SLC19A1: variants seen among roughly 807,000 people sequenced by gnomAD.
SLC19A1 encodes the protein solute carrier family 19 member 1.
Under a neutral mutation model 35.3 loss-of-function variants are expected in SLC19A1, and 37 were observed. The ratio of observed to expected loss-of-function variants is 1.05; its 90% CI spans 0.81 to 1.38. The LOEUF (loss-of-function observed/expected upper bound fraction) is 1.38. Among genes scored for constraint, SLC19A1 ranks in the 40% most tolerant of loss-of-function variants. The probability of loss-of-function intolerance (pLI) is 0.00; values close to 1 mark genes in which losing one functional copy is unlikely to be tolerated. For synonymous variants in SLC19A1, 460 were observed against 398.5 expected, an observed-to-expected ratio of 1.15 and a Z score of -1.84; for missense variants, 831 against 826.9, an observed-to-expected ratio of 1.00 and a Z score of -0.06.
intron 3 of SLC19A1, chr21:45,506,293 G>A (rs1047346032): frequency 5.3e-6 from 2 of 378,292 alleles, no homozygotes; most frequent in Admixed American, 3.7e-5. Context: ...GACGGGACGA[G>A]GCGGCAGGGG....
chr21:45,512,942 G>A lies in SLC19A1; in HGVS notation c.*2716C>T, dbSNP rs993146198. ...AGGCTCAGGTCCCTGGGGCTAGGGG[G>A]AGCCCCTTCTGCTCAGCTCTGGGCC... On this transcript the variant is annotated 3_prime_UTR_variant, in exon 6 of 6. Coordinates refer to ENST00000311124, the MANE Select transcript of SLC19A1 (RefSeq NM_194255.4). 5.0e-4 allele frequency: 94 copies of A among 186,640 alleles called. No homozygotes were observed. The highest frequency in any genetic ancestry group is 2.1e-3 in the Admixed American group (39 of 18,742). The allele number at this position is 186,640 out of a possible 1,614,324, so 11.6% of individuals were successfully genotyped here. A position where few individuals can be genotyped will look rare whatever the true frequency, so the allele number is the denominator to read the frequency against.
Position 45,513,848 on chromosome 21 carries a change from A to C in SLC19A1, c.*1810T>G, listed in dbSNP as rs1369463722. The C allele has an allele frequency of 6.6e-6, 1 of 152,232 alleles. No homozygotes were observed. The highest frequency in any genetic ancestry group is 2.4e-5 in the African/African-American group (1 of 41,448). The allele number at this position is 152,232 out of a possible 1,614,324, so 9.4% of individuals were successfully genotyped here. A position where few individuals can be genotyped will look rare whatever the true frequency, so the allele number is the denominator to read the frequency against. ...CGAGTGTGCACAGGCACGCACGGTT[A>C]CATGGGGTATGCATGCATGGCCATA... On this transcript the variant is annotated 3_prime_UTR_variant, in exon 6 of 6. Transcript: ENST00000311124.
chr21:45,562,094 G>T (rs1421099982), intron 1 of SLC19A1, among the ~76,000 whole-genome samples: 1 of 138,088 alleles, frequency 7.2e-6, no homozygotes, highest in East Asian at 2.2e-4. Context: ...TCGCGCCATT[G>T]CACTCCAGTC....
At chr21:45,553,633 GC>G (rs1335045997) in intron 1 of SLC19A1, among the ~76,000 whole-genome samples, 216 of 11,038 alleles carry the variant, frequency 0.02, 13 homozygotes, top group Middle Eastern at 0.05. Flanking sequence ...ATCCCCCCGC[GC>G]CCCCCTCCTA....
chr21:45,526,366 TTA>T (rs1198919778), intron 4 of SLC19A1, among the ~76,000 whole-genome samples: 2 of 152,164 alleles, frequency 1.3e-5, no homozygotes, highest in African/African-American at 2.4e-5. Flanking sequence ...GAAGGTGATT[TTA>T]TATAATACCT....
rs750480344 is a variant in SLC19A1, at chr21:45,525,971, AGCG to A, written c.1152-16_1152-14del. 10 of 1,612,086 alleles carry A rather than the reference AGCG, an allele frequency of 6.2e-6. No homozygotes were observed. In the Admixed American group the frequency reaches 1.0e-4, roughly 16 times the overall value. On this transcript the variant is annotated splice_polypyrimidine_tract_variant and intron_variant, in intron 4 of 5. Transcript: ENST00000311124. ...TGCAATCTGAAAGCTGAACGGGAAG[AGCG>A]GGCAGATCAGGCGCTGCTGGGAGAA...
intron 1 of SLC19A1, among the ~76,000 whole-genome samples, chr21:45,556,700 C>T (rs2078565730): frequency 6.6e-6 from 1 of 152,210 alleles, no homozygotes; most frequent in South Asian, 2.1e-4. Flanking sequence ...ACAGACAGGA[C>T]AGAACAGGAC....
rs2077826613 is a variant in SLC19A1, at chr21:45,530,352, G to A, written c.1151+418C>T. Among the ~76,000 whole-genome samples the A allele has an allele frequency of 6.6e-6, 1 of 150,648 alleles. No individual in the cohort carries two copies. Among genetic ancestry groups the A allele is most frequent in the Admixed American group, 6.6e-5 (1 of 15,160 alleles). ...GAGTGTCCATCTGTGCGCATGTGGT[G>A]TGTTCATGAGTGTGTGTGTGTCCAT... On this transcript the variant is annotated intron_variant, in intron 4 of 5. Coordinates refer to ENST00000311124, the MANE Select transcript of SLC19A1 (RefSeq NM_194255.4). The surrounding 1 kb of genome is among the most constrained non-coding windows in gnomAD (Gnocchi z 5.3).
chr21:45,538,062 T>C lies in SLC19A1; in HGVS notation c.-49-54A>G, dbSNP rs910373864. ...TTGGAAGATGGTCTGCAGGCCTCCCTACCCCGCAAAACGAGGCCCAGTGCC... is the reference window on the plus strand; with the variant it reads ...TTGGAAGATGGTCTGCAGGCCTCCCCACCCCGCAAAACGAGGCCCAGTGCC... On this transcript the variant is annotated intron_variant, in intron 1 of 5. Transcript: ENST00000311124. 3.7e-6 allele frequency: 4 copies of C among 1,082,260 alleles called. No individual in the cohort carries two copies. The African/African-American group carries it at 5.0e-5, about 14-fold the overall frequency. 67.0% of individuals were successfully genotyped at this position (1,082,260 alleles called of 1,614,324 possible). A position where few individuals can be genotyped will look rare whatever the true frequency, so the allele number is the denominator to read the frequency against.
chr21:45,504,631 G>A (rs1372739051), intron 3 of SLC19A1: 61 of 1,352,196 alleles, frequency 4.5e-5, no homozygotes, highest in South Asian at 1.8e-4. Flanking sequence ...GGTCCAGCCC[G>A]GCCTTCGACA....
downstream of SLC19A1, chr21:45,509,515 G>A: frequency 1.3e-6 from 2 of 1,533,864 alleles, no homozygotes; most frequent in Non-Finnish European, 1.8e-6. Context: ...CTACCCCGGA[G>A]CCCCGCACCA....
intron 3 of SLC19A1, chr21:45,505,132 A>G: frequency 6.2e-7 from 1 of 1,608,800 alleles, no homozygotes; most frequent in South Asian, 1.1e-5. Context: ...CGCCGTCCGT[A>G]GGGTCCCAAG....
intron 1 of SLC19A1, among the ~76,000 whole-genome samples, chr21:45,538,475 G>A (rs2078205691): frequency 6.6e-6 from 1 of 152,194 alleles, no homozygotes; most frequent in Non-Finnish European, 1.5e-5. Flanking sequence ...GGTGGCCCAG[G>A]GAGGGCACAG....
chr21:45,512,121 C>A, downstream of SLC19A1: 2 of 1,532,094 alleles, frequency 1.3e-6, no homozygotes, highest in Admixed American at 1.9e-5. Context: ...CTTTCCTGCC[C>A]GGGGAGCGGC....
intron 1 of SLC19A1, among the ~76,000 whole-genome samples, chr21:45,559,688 C>T (rs1184578128): frequency 2.0e-5 from 3 of 152,170 alleles, no homozygotes; most frequent in Non-Finnish European, 2.9e-5. Context: ...CTTACTGGCT[C>T]GGAGGTGGTT....
intron 3 of SLC19A1, chr21:45,506,657 G>A (rs1359147455): frequency 2.3e-5 from 4 of 171,300 alleles, no homozygotes; most frequent in East Asian, 1.5e-4. Context: ...TGTGACATCC[G>A]TGGGAGCCTC....
At chr21:45,549,374 G>A (rs1481179275), upstream of SLC19A1, among the ~76,000 whole-genome samples, 1 of 152,000 alleles carries the variant, frequency 6.6e-6, no homozygotes, top group African/African-American at 2.4e-5. Context: ...TGGGGGTAGA[G>A]GTTAATGGTT....
At position 45,560,845 on chromosome 21, in the gene SLC19A1, C is replaced by T. The variant is rs76731889; in HGVS notation, c.-50+1897G>A. The stretch of plus-strand genomic sequence containing the variant: ...GGAGGCCCGAGCCCCGGAGAATCGG[C>T]GCTGTCCTCTGAGCTGGCCTCTCTG... On this transcript the variant is annotated intron_variant, in intron 1 of 5. Coordinates refer to the SLC19A1 transcript ENST00000650808. 1.9e-3 allele frequency among the ~76,000 whole-genome samples: 294 copies of T among 152,314 alleles called. 3 individuals carry two copies. The highest frequency in any genetic ancestry group is 6.3e-3 in the African/African-American group (261 of 41,556).
chr21:45,505,243 CA>C (rs1170994529), intron 3 of SLC19A1: 9 of 1,603,068 alleles, frequency 5.6e-6, no homozygotes, highest in African/African-American at 5.4e-5. Flanking sequence ...CCAGGCCCCC[CA>C]GGGCCCCCTT....
Sources: allele counts gnomAD v4.1 joint callset (sites outside exome capture counted in the v4.1 genomes callset), GRCh38; gene constraint gnomAD v4.1.1; non-coding constraint Gnocchi (gnomAD v3.1); transcripts MANE v1.5; gene names NCBI Gene and HGNC (gene_info 2026-07-23, HGNC 2026-07-21).